Variants in PPM1B observed in about 807,000 individuals in gnomAD.
PPM1B encodes the protein protein phosphatase, Mg2+/Mn2+ dependent 1B, also known as protein phosphatase 1B.
Under a neutral mutation model 43.0 loss-of-function variants are expected in PPM1B, and 22 were observed. The observed-to-expected ratio is 0.51, with a 90% CI of 0.37 to 0.73. The LOEUF is 0.73. Ranked by LOEUF, PPM1B falls within the 30% of genes least tolerant of loss-of-function variation. The pLI, the probability that PPM1B is intolerant of heterozygous loss-of-function variation, is 0.00. For missense variants in PPM1B, 632 were observed against 584.2 expected (o/e 1.08, Z -0.84); for synonymous variants, 217 against 197.9 (o/e 1.10, Z -0.81).
At chr2:44,238,225 A>G (rs970427959), downstream of PPM1B, among the ~76,000 whole-genome samples, 2 of 152,130 alleles carry the variant, frequency 1.3e-5, no homozygotes, top group African/African-American at 4.8e-5. Context: ...TATCTTAACA[A>G]TTAATTCCAC....
chr2:44,219,194 TGTCC>T (rs1356208520), intron 5 of PPM1B: 1 of 151,544 alleles, frequency 6.6e-6, no homozygotes, highest in Non-Finnish European at 1.5e-5. Flanking sequence ...GAGACAGAAG[TGTCC>T]TTTTTTTTTT....
intron 5 of PPM1B, 158 bp downstream of exon 5, chr2:44,218,695 G>A: frequency 1.7e-6 from 1 of 594,700 alleles, no homozygotes. Context: ...TTAAGAAAAT[G>A]TATTGAAATG....
At chr2:44,216,144 T>TGGAGAAGAGATTGTATAAAAG (rs1359183663) in intron 3 of PPM1B, among the ~76,000 whole-genome samples, 2 of 152,194 alleles carry the variant, frequency 1.3e-5, no homozygotes, top group Non-Finnish European at 2.9e-5. Flanking sequence ...AGTTGCTGTA[T>TGGAGAAGAGATTGTATAAAAG]GGAGAAGAGA....
intron 1 of PPM1B, among the ~76,000 whole-genome samples, chr2:44,177,787 A>AT (rs200012517): frequency 1.1e-3 from 164 of 143,028 alleles, no homozygotes; most frequent in South Asian, 3.3e-3. Context: ...CATATACAGA[A>AT]TTTTTTTTTT....
chr2:44,245,063 GA>G (rs1244885768), downstream of PPM1B, among the ~76,000 whole-genome samples: 1 of 151,800 alleles, frequency 6.6e-6, no homozygotes. Flanking sequence ...TTTAACACTA[GA>G]AAAAATATGC....
At chr2:44,190,850 A>C (rs922193738) in intron 1 of PPM1B, among the ~76,000 whole-genome samples, 3 of 152,242 alleles carry the variant, frequency 2.0e-5, no homozygotes, top group Non-Finnish European at 4.4e-5. Context: ...TTTAATAATA[A>C]AATAAATTGT....
chr2:44,197,444 T>C (rs1461903898), intron 1 of PPM1B, among the ~76,000 whole-genome samples: 1 of 152,200 alleles, frequency 6.6e-6, no homozygotes, highest in Non-Finnish European at 1.5e-5. Flanking sequence ...TTGCATTTAC[T>C]GTAGTGCGTT....
intron 1 of PPM1B, among the ~76,000 whole-genome samples, chr2:44,180,250 G>T (rs1330363800): frequency 6.6e-6 from 1 of 152,152 alleles, no homozygotes; most frequent in African/African-American, 2.4e-5. Context: ...CTTAGGAAGA[G>T]TTGGCTGAAT....
At chr2:44,170,155 G>GT (rs921748099) in intron 1 of PPM1B, among the ~76,000 whole-genome samples, 3 of 152,144 alleles carry the variant, frequency 2.0e-5, no homozygotes, top group African/African-American at 7.2e-5. Flanking sequence ...GATCTGGGAC[G>GT]TTTGCCCATC....
At chr2:44,218,657 C>A in intron 5 of PPM1B, 120 bp downstream of exon 5, 1 of 675,022 alleles carries the variant, frequency 1.5e-6, no homozygotes, top group Non-Finnish European at 2.4e-6. Flanking sequence ...ATTACTACTG[C>A]TTTTCATTTT....
chr2:44,246,705 T>C (rs74658548), downstream of PPM1B, among the ~76,000 whole-genome samples: 1,110 of 152,358 alleles, frequency 7.3e-3, 9 homozygotes, highest in African/African-American at 0.025. Flanking sequence ...AGGCTTCACT[T>C]TGACCTATTC....
intron 5 of PPM1B, among the ~76,000 whole-genome samples, chr2:44,228,412 AATCCTCCT>A (rs1670321353): frequency 6.6e-6 from 1 of 152,034 alleles, no homozygotes. Context: ...GACCTCAAGG[AATCCTCCT>A]ACCCGTCTCC....
intron 3 of PPM1B, among the ~76,000 whole-genome samples, chr2:44,213,909 A>G (rs546405827): frequency 6.6e-6 from 1 of 152,146 alleles, no homozygotes; most frequent in African/African-American, 2.4e-5. Context: ...AGAAGGTGGG[A>G]GGAATTCTCT....
chr2:44,242,283 C>A (rs1340005399), intron 5 of PPM1B, among the ~76,000 whole-genome samples: 1 of 151,868 alleles, frequency 6.6e-6, no homozygotes, highest in African/African-American at 2.4e-5. Context: ...ATGATAGGTA[C>A]AATTTATGGA....
chr2:44,213,016 A>C (rs1204376686), intron 3 of PPM1B, among the ~76,000 whole-genome samples: 4 of 146,932 alleles, frequency 2.7e-5, no homozygotes, highest in African/African-American at 1.0e-4. Context: ...CCGTTTCCAA[A>C]AAAAAAAAAA....
intron 3 of PPM1B, among the ~76,000 whole-genome samples, chr2:44,213,299 A>G (rs1209885150): frequency 6.6e-6 from 1 of 150,804 alleles, no homozygotes; most frequent in African/African-American, 2.4e-5. Flanking sequence ...TCAAGGTTAC[A>G]TAGTTACCTG....
chr2:44,231,012 T>C lies in PPM1B; in HGVS notation c.*294T>C. 1.0e-6 allele frequency: 1 copy of C among 976,752 alleles called. No homozygotes were observed. Among genetic ancestry groups the C allele is most frequent in the Non-Finnish European group, 1.2e-6 (1 of 803,702 alleles). The allele number at this position is 976,752 out of a possible 1,614,324, so 60.5% of individuals were successfully genotyped here. ...GTAGTTAAATTAATACTAGATAGAA[T>C]TAGAAATTTTGATTAGAGAGATTAT... On this transcript the variant is annotated 3_prime_UTR_variant, in exon 6 of 6. Transcript: ENST00000282412.
At position 44,169,137 on chromosome 2, in the gene PPM1B, G is replaced by GA; in HGVS notation, c.-152_-151insA. ...CGTGAGGGGCCGGGCGGTGTAAACA[G>GA]CCCCGGAGGCGGCGGTCGAGACCCC... On this transcript the variant is annotated 5_prime_UTR_variant, in exon 1 of 6. Coordinates refer to ENST00000282412, the MANE Select transcript of PPM1B (RefSeq NM_002706.6). 8.3e-6 allele frequency: 1 copy of GA among 120,234 alleles called. No homozygotes were observed. Among genetic ancestry groups the GA allele is most frequent in the South Asian group, 1.1e-4 (1 of 8,994 alleles). The allele number at this position is 120,234 out of a possible 1,614,324, so 7.4% of individuals were successfully genotyped here. A position where few individuals can be genotyped will look rare whatever the true frequency, so the allele number is the denominator to read the frequency against.
chr2:44,176,138 C>T (rs1667571566), intron 1 of PPM1B, among the ~76,000 whole-genome samples: 1 of 152,104 alleles, frequency 6.6e-6, no homozygotes, highest in South Asian at 2.1e-4. Flanking sequence ...CTGCATTAGA[C>T]AGACATGAGG....
Sources: allele counts gnomAD v4.1 joint callset (sites outside exome capture counted in the v4.1 genomes callset), GRCh38; gene constraint gnomAD v4.1.1; transcripts MANE v1.5; gene names NCBI Gene and HGNC (gene_info 2026-07-23, HGNC 2026-07-21).